The following SOX5 variants were observed in gnomAD, a reference collection of about 807,000 sequenced individuals.
SOX5 encodes transcription factor SOX-5.
SOX5 carries 9 observed loss-of-function variants against 92.0 expected under a neutral mutation model. The ratio of observed to expected loss-of-function variants is 0.10; its 90% confidence interval spans 0.06 to 0.17. The LOEUF (loss-of-function observed/expected upper bound fraction) is 0.17, where lower values mean the gene tolerates loss of function less well. Among genes scored for constraint, SOX5 ranks in the 10% least tolerant of loss-of-function variants. The pLI is 1.00. For missense variants in SOX5, 642 were observed against 944.5 expected (o/e 0.68, Z 4.20); for synonymous variants, 344 against 336.3 (o/e 1.02, Z -0.25).
chr12:23,687,554 ACC>A (rs1022885775), intron 6 of SOX5, among the ~76,000 whole-genome samples: 1 of 151,960 alleles, frequency 6.6e-6, no homozygotes, highest in Non-Finnish European at 1.5e-5. Context: ...ATATATCTAA[ACC>A]CTTAAATAAT....
upstream of SOX5, chr12:23,949,841 AG>A: frequency 2.1e-6 from 1 of 472,636 alleles, no homozygotes. Context: ...CTCCTTGACC[AG>A]TCTCTTAAAG....
chr12:24,075,464 T>C (rs1418988788), intron 4 of SOX5, among the ~76,000 whole-genome samples: 2 of 152,174 alleles, frequency 1.3e-5, no homozygotes, highest in South Asian at 2.1e-4. Context: ...ACCTACATTA[T>C]CTGGACCGTA....
At chr12:23,702,029 A>G (rs904479950) in intron 6 of SOX5, among the ~76,000 whole-genome samples, 1 of 152,060 alleles carries the variant, frequency 6.6e-6, no homozygotes, top group Admixed American at 6.6e-5. Flanking sequence ...ATGAAGAAAG[A>G]TTTACCTCAT....
At chr12:23,597,800 G>T (rs1952713712) in intron 9 of SOX5, among the ~76,000 whole-genome samples, 1 of 152,210 alleles carries the variant, frequency 6.6e-6, no homozygotes, top group South Asian at 2.1e-4. Flanking sequence ...GTTTTCAATA[G>T]CTATTTAACA....
intron 2 of SOX5, among the ~76,000 whole-genome samples, chr12:24,332,684 TG>T (rs1425268730): frequency 6.6e-6 from 1 of 152,098 alleles, no homozygotes; most frequent in Non-Finnish European, 1.5e-5. Context: ...ATAATTTTAT[TG>T]AGAGTTACTA....
At chr12:24,383,591 T>A (rs2136391262) in intron 1 of SOX5, among the ~76,000 whole-genome samples, 1 of 152,300 alleles carries the variant, frequency 6.6e-6, no homozygotes, top group East Asian at 1.9e-4. Context: ...GTCCAGCAAA[T>A]CCCCACTGTC....
intron 1 of SOX5, among the ~76,000 whole-genome samples, chr12:24,472,081 A>G (rs1430797870): frequency 6.6e-6 from 1 of 152,248 alleles, no homozygotes; most frequent in Non-Finnish European, 1.5e-5. Context: ...CATTTTGTTT[A>G]AAATAAACAG....
intron 2 of SOX5, among the ~76,000 whole-genome samples, chr12:23,890,983 G>C (rs1005356342): frequency 6.6e-6 from 1 of 152,094 alleles, no homozygotes; most frequent in Admixed American, 6.5e-5. Flanking sequence ...TAATTGCTTG[G>C]CAAGATTATG....
chr12:24,323,475 T>C (rs1950396619), intron 2 of SOX5, among the ~76,000 whole-genome samples: 1 of 151,808 alleles, frequency 6.6e-6, no homozygotes. Flanking sequence ...AAGAACCATT[T>C]TTAATGTCAA....
At chr12:23,617,333 C>T (rs1485554928) in intron 8 of SOX5, among the ~76,000 whole-genome samples, 1 of 152,088 alleles carries the variant, frequency 6.6e-6, no homozygotes, top group Non-Finnish European at 1.5e-5. Context: ...AAATATCACT[C>T]TTGCCTGATA....
At chr12:24,459,707 A>G (rs1943411254) in intron 1 of SOX5, among the ~76,000 whole-genome samples, 1 of 152,184 alleles carries the variant, frequency 6.6e-6, no homozygotes, top group Non-Finnish European at 1.5e-5. Flanking sequence ...CTGTATTAAT[A>G]CCTAAAGATG....
chr12:24,464,653 GT>G (rs1222060773), intron 1 of SOX5, among the ~76,000 whole-genome samples: 2 of 152,068 alleles, frequency 1.3e-5, no homozygotes, highest in Non-Finnish European at 2.9e-5. Context: ...GAGAGTTAAT[GT>G]TTTTTGAGAA....
At chr12:23,658,891 T>C (rs1334924090) in intron 7 of SOX5, among the ~76,000 whole-genome samples, 2 of 152,176 alleles carry the variant, frequency 1.3e-5, no homozygotes, top group African/African-American at 4.8e-5. Flanking sequence ...AGACTCCGTC[T>C]CAAAAAAATA....
intron 2 of SOX5, among the ~76,000 whole-genome samples, chr12:24,287,121 G>T (rs2140466458): frequency 6.6e-6 from 1 of 152,250 alleles, no homozygotes; most frequent in African/African-American, 2.4e-5. Flanking sequence ...AGGAATGGTT[G>T]GTTCTAAATA....
At position 23,970,841 on chromosome 12, in the gene SOX5, A is replaced by ATATATATATATATTTTTTTT; in HGVS notation, c.-1-74818_-1-74817insAAAAAAAATATATATATATA. On this transcript the variant is annotated intron_variant, in intron 4 of 4. Transcript: ENST00000446891. ...ACATGGGACTTTATATATATATATA[A>ATATATATATATATTTTTTTT]TTTTTTTTTTTTTTTAAGAAATGGG... 2.6e-3 allele frequency among the ~76,000 whole-genome samples: 57 copies of ATATATATATATATTTTTTTT among 21,880 alleles called. 15 individuals carry two copies. The highest frequency in any genetic ancestry group is 0.018 in the South Asian group (8 of 452). The allele number at this position is 21,880 out of a possible 152,430, so 14.4% of individuals were successfully genotyped here. A position where few individuals can be genotyped will look rare whatever the true frequency, so the allele number is the denominator to read the frequency against.
intron 6 of SOX5, among the ~76,000 whole-genome samples, chr12:23,719,909 T>C (rs1265762533): frequency 6.6e-6 from 1 of 151,240 alleles, no homozygotes; most frequent in Non-Finnish European, 1.5e-5. Context: ...AGCATGGGAA[T>C]GACTGGGTAC....
At chr12:24,222,853 AG>A (rs1489582826) in intron 3 of SOX5, among the ~76,000 whole-genome samples, 2 of 152,206 alleles carry the variant, frequency 1.3e-5, no homozygotes, top group Non-Finnish European at 2.9e-5. Flanking sequence ...GTATGGTGGT[AG>A]GCAAGCTTTT....
intron 4 of SOX5, among the ~76,000 whole-genome samples, chr12:24,052,451 TCTTGCTATTGCTGTTA>T (rs1185987079): frequency 6.6e-5 from 10 of 152,204 alleles, no homozygotes; most frequent in African/African-American, 2.2e-4. Flanking sequence ...TGAATGTCTT[TCTTGCTATTGCTGTTA>T]CTCAATATTC....
intron 4 of SOX5, among the ~76,000 whole-genome samples, chr12:24,008,912 A>T (rs1233537624): frequency 1.3e-5 from 2 of 152,170 alleles, no homozygotes; most frequent in Admixed American, 6.6e-5. Context: ...ATGCTGCATG[A>T]CTTCCAAGGC....
Sources: allele counts gnomAD v4.1 joint callset (sites outside exome capture counted in the v4.1 genomes callset), GRCh38; gene constraint gnomAD v4.1.1; transcripts MANE v1.5; gene names NCBI Gene and HGNC (gene_info 2026-07-23, HGNC 2026-07-21).